NAV1: variants seen among roughly 807,000 people sequenced by gnomAD.
NAV1 encodes neuron navigator 1.
Under a neutral mutation model 175.2 loss-of-function variants are expected in NAV1, and 18 were observed. The observed-to-expected ratio is 0.10, with a 90% CI of 0.07 to 0.15. The LOEUF (loss-of-function observed/expected upper bound fraction) is 0.15, where lower values mean the gene tolerates loss of function less well. Ranked by LOEUF, NAV1 falls within the 10% of genes least tolerant of loss-of-function variation. The pLI is 1.00. For missense variants in NAV1, 1,731 were observed against 2,436.6 expected, an observed-to-expected ratio of 0.71 and a Z score of 6.10; for synonymous variants, 897 against 978.7, an observed-to-expected ratio of 0.92 and a Z score of 1.56.
In NAV1 at chr1:201,718,010, AG is replaced by A. The variant is rs374778964; in HGVS notation, c.861-378del. Reference sequence around the variant, plus strand: ...CATATGTGATCCTTACAACTCTATAAGGTAGATGTTATGCCATTATCCCCAT... The same window carrying A: ...CATATGTGATCCTTACAACTCTATAAGTAGATGTTATGCCATTATCCCCAT... On this transcript the variant is annotated intron_variant, in intron 2 of 29. Transcript: ENST00000367296. The surrounding 1 kb of genome is among the most constrained non-coding windows in gnomAD (Gnocchi z 4.8). 9.2e-5 allele frequency among the ~76,000 whole-genome samples: 14 copies of A among 152,328 alleles called. 1 individual carries two copies. The East Asian group carries it at 2.7e-3, about 29-fold the overall frequency.
intron 3 of NAV1, among the ~76,000 whole-genome samples, chr1:201,760,398 T>G (rs1480927465): frequency 3.3e-5 from 5 of 152,262 alleles, no homozygotes; most frequent in Non-Finnish European, 5.9e-5. Flanking sequence ...TTTAAAAGTT[T>G]ATATAACCTG....
chr1:201,696,082 C>T (rs1571890067), intron 1 of NAV1, among the ~76,000 whole-genome samples: 1 of 152,280 alleles, frequency 6.6e-6, no homozygotes, highest in South Asian at 2.1e-4. Flanking sequence ...CTTGCACTTC[C>T]CTTCCAGATA....
At chr1:201,744,841 C>T (rs1175228320) in intron 3 of NAV1, among the ~76,000 whole-genome samples, 5 of 152,230 alleles carry the variant, frequency 3.3e-5, no homozygotes, top group Non-Finnish European at 7.3e-5. Context: ...GTGCCTTCAT[C>T]AGTCACACAG....
At chr1:201,764,370 G>C (rs1675058400) in intron 3 of NAV1, among the ~76,000 whole-genome samples, 1 of 152,200 alleles carries the variant, frequency 6.6e-6, no homozygotes, top group South Asian at 2.1e-4. Flanking sequence ...TTTCTGATGA[G>C]GCCTCTCTTC....
In NAV1 at chr1:201,749,192, C is replaced by T. The variant is rs1197232282; in HGVS notation, c.1226+30437C>T. On this transcript the variant is annotated intron_variant, in intron 3 of 29. Transcript: ENST00000367296. Reference sequence around the variant, plus strand: ...CTCTAACTGAGAACAATTCTACCTGCGAAATAATGTCTTAAAGTTAAATAA... The same window carrying T: ...CTCTAACTGAGAACAATTCTACCTGTGAAATAATGTCTTAAAGTTAAATAA... Among the ~76,000 whole-genome samples, 4 of 152,094 alleles carry T rather than the reference C, an allele frequency of 2.6e-5. No homozygotes were observed. In the South Asian group the frequency reaches 8.3e-4, roughly 32 times the overall value.
intron 1 of NAV1, among the ~76,000 whole-genome samples, chr1:201,583,507 A>G (rs2102198352): frequency 6.6e-6 from 1 of 152,356 alleles, no homozygotes; most frequent in African/African-American, 2.4e-5. Flanking sequence ...TGCTGGAGAT[A>G]GGAATCTCTG....
In NAV1 at chr1:201,812,679, C is replaced by A. The variant is rs767420543; in HGVS notation, c.5221+18C>A. The A allele has an allele frequency of 6.2e-7, 1 of 1,607,408 alleles. No individual in the cohort carries two copies. The highest frequency in any genetic ancestry group is 2.2e-5 in the East Asian group (1 of 44,792). On this transcript the variant is annotated intron_variant, in intron 27 of 29. Transcript: ENST00000367296. The surrounding 1 kb of genome is among the most constrained non-coding windows in gnomAD (Gnocchi z 4.6). ...CCTCATCGGTACTGGGGTCCAGCTT[C>A]CCCCGGGGGTCAGGAGGTGGCTTCC...
Position 201,539,173 on chromosome 1 carries a change from T to C in NAV1, c.-313T>C, listed in dbSNP as rs928331747. ...GCTGCCCTAGTGCGGGGCCCGAGGC[T>C]GGAGTGCGCGGCGGACGCCAAGCCT... is the stretch of plus-strand genomic sequence containing the variant. On this transcript the variant is annotated 5_prime_UTR_variant, in exon 1 of 34. Coordinates refer to the NAV1 transcript ENST00000685211. The surrounding 1 kb of genome is among the most constrained non-coding windows in gnomAD (Gnocchi z 5.6). Among the ~76,000 whole-genome samples the C allele has an allele frequency of 2.0e-5, 3 of 152,114 alleles. No homozygotes were observed. Among genetic ancestry groups the C allele is most frequent in the African/African-American group, 7.2e-5 (3 of 41,436 alleles).
intron 1 of NAV1, among the ~76,000 whole-genome samples, chr1:201,654,649 C>T (rs1252152859): frequency 6.6e-6 from 1 of 152,140 alleles, no homozygotes; most frequent in Non-Finnish European, 1.5e-5. Context: ...CAGCACACTG[C>T]AATGTCTTCC....
chr1:201,693,688 G>A (rs1671056339), intron 1 of NAV1, among the ~76,000 whole-genome samples: 1 of 152,114 alleles, frequency 6.6e-6, no homozygotes, highest in South Asian at 2.1e-4. Flanking sequence ...AAGTGCCCCA[G>A]CAGGGACGGT....
At chr1:201,682,486 A>G (rs1400570105) in intron 1 of NAV1, among the ~76,000 whole-genome samples, 1 of 152,124 alleles carries the variant, frequency 6.6e-6, no homozygotes, top group East Asian at 1.9e-4. Flanking sequence ...AACCTTGGTG[A>G]TAAGGGCAGT....
chr1:201,631,952 A>G (rs905568083), intron 2 of NAV1, among the ~76,000 whole-genome samples: 2 of 152,104 alleles, frequency 1.3e-5, no homozygotes, highest in Non-Finnish European at 2.9e-5. Context: ...GATTTGAATG[A>G]ATGAGTAAGG....
chr1:201,703,080 C>T (rs565792714), intron 1 of NAV1, among the ~76,000 whole-genome samples: 1 of 152,232 alleles, frequency 6.6e-6, no homozygotes, highest in Admixed American at 6.5e-5. Context: ...TCCCCACTCC[C>T]GTCCCCATTT....
Position 201,809,910 on chromosome 1 carries a change from A to G in NAV1, c.4402-36A>G, listed in dbSNP as rs374443157. Reference sequence around the variant, plus strand: ...TTGTGGCTTTTACACCTGTGTTTGTATATTTTCTTCTTCTTCTGCCTGTCT... The same window carrying G: ...TTGTGGCTTTTACACCTGTGTTTGTGTATTTTCTTCTTCTTCTGCCTGTCT... On this transcript the variant is annotated intron_variant, in intron 22 of 29. Transcript: ENST00000367296. 21 of 1,589,320 alleles carry G rather than the reference A, an allele frequency of 1.3e-5. No homozygotes were observed. In the African/African-American group the frequency reaches 2.4e-4, roughly 18 times the overall value.
At position 201,765,161 on chromosome 1, in the gene NAV1, G is replaced by A. The variant is rs61821728; in HGVS notation, c.1227-15260G>A. ...GTCCTTTCTCTATGGGCACATTAGG[G>A]TGGCCTTTTATATTCTTGGAGGTGC... is the stretch of plus-strand genomic sequence containing the variant. On this transcript the variant is annotated intron_variant, in intron 3 of 29. Coordinates refer to ENST00000367296, the Ensembl canonical transcript of NAV1. Among the ~76,000 whole-genome samples the A allele has an allele frequency of 2.6e-3, 402 of 152,194 alleles. 1 individual carries two copies. Among genetic ancestry groups the A allele is most frequent in the Non-Finnish European group, 4.7e-3 (322 of 68,010 alleles).
At chr1:201,628,781 T>C (rs1668408401) in intron 1 of NAV1, among the ~76,000 whole-genome samples, 1 of 152,216 alleles carries the variant, frequency 6.6e-6, no homozygotes, top group African/African-American at 2.4e-5. Flanking sequence ...GAGGTCTGTG[T>C]GCACTTGGGA....
At chr1:201,804,567 A>G in intron 17 of NAV1, 70 bp downstream of exon 21, 1 of 996,502 alleles carries the variant, frequency 1.0e-6, no homozygotes, top group African/African-American at 1.8e-5. Flanking sequence ...TTCCAGAGCA[A>G]CTCCCTTCCC....
chr1:201,685,730 G>A (rs1430059224), intron 1 of NAV1, among the ~76,000 whole-genome samples: 2 of 152,172 alleles, frequency 1.3e-5, no homozygotes, highest in Admixed American at 6.5e-5. Context: ...GACTTGAAAT[G>A]ACTTACAGAT....
intron 1 of NAV1, among the ~76,000 whole-genome samples, chr1:201,550,292 C>A (rs977677472): frequency 6.2e-4 from 94 of 152,044 alleles, no homozygotes; most frequent in Admixed American, 3.4e-3. Flanking sequence ...CTGCCTCAGC[C>A]TCCTAAACAG....
Sources: allele counts gnomAD v4.1 joint callset (sites outside exome capture counted in the v4.1 genomes callset), GRCh38; gene constraint gnomAD v4.1.1; non-coding constraint Gnocchi (gnomAD v3.1); transcripts MANE v1.5; gene names NCBI Gene and HGNC (gene_info 2026-07-23, HGNC 2026-07-21).